Variants in RSU1 observed in about 807,000 individuals in gnomAD.
RSU1 encodes rsu-1.
Under a neutral mutation model 31.1 loss-of-function variants are expected in RSU1, and 26 were observed. The ratio of observed to expected loss-of-function variants is 0.84; its 90% CI spans 0.61 to 1.16. RSU1 has a LOEUF of 1.16. Among genes scored for constraint, RSU1 ranks in the 50% most tolerant of loss-of-function variants. The pLI, the probability that RSU1 is intolerant of heterozygous loss-of-function variation, is 0.00. For missense variants in RSU1, 320 were observed against 339.1 expected, an observed-to-expected ratio of 0.94 and a Z score of 0.44; for synonymous variants, 164 against 136.3, an observed-to-expected ratio of 1.20 and a Z score of -1.41.
At position 16,770,957 on chromosome 10, in the gene RSU1, T is replaced by TAA. The variant is rs10547207; in HGVS notation, c.161-6449_161-6448dup. On this transcript the variant is annotated intron_variant, in intron 3 of 8. Coordinates refer to ENST00000345264, the MANE Select transcript of RSU1 (RefSeq NM_012425.4). ...TCTAAAAACCTGACATATTGCTATT[T>TAA]AAAAAAAAAAAAAAAAAAAAAAAGG... Among the ~76,000 whole-genome samples the TAA allele has an allele frequency of 1.5e-3, 178 of 120,072 alleles. 4 individuals carry two copies. The highest frequency in any genetic ancestry group is 1.2e-3 in the Non-Finnish European group (70 of 57,138). 78.8% of individuals were successfully genotyped at this position (120,072 alleles called of 152,430 possible).
At chr10:16,626,421 C>T (rs372835918) in intron 8 of RSU1, among the ~76,000 whole-genome samples, 1 of 152,088 alleles carries the variant, frequency 6.6e-6, no homozygotes. Context: ...AACTCTTGGC[C>T]TCCCAAAGTG....
chr10:16,738,947 C>T (rs554044469), intron 7 of RSU1, among the ~76,000 whole-genome samples: 8 of 148,282 alleles, frequency 5.4e-5, no homozygotes, highest in Non-Finnish European at 9.0e-5. Flanking sequence ...CACTTATGAA[C>T]GAGAACATGT....
chr10:16,608,106 C>T lies in RSU1; in HGVS notation c.732-14610G>A, dbSNP rs368747307. Among the ~76,000 whole-genome samples, 7 of 152,346 alleles carry T rather than the reference C, an allele frequency of 4.6e-5. No individual in the cohort carries two copies. In the East Asian group the frequency reaches 1.2e-3, roughly 25 times the overall value. On this transcript the variant is annotated intron_variant, in intron 8 of 8. Coordinates refer to ENST00000345264, the MANE Select transcript of RSU1 (RefSeq NM_012425.4). ...TTGGCCTCCCAAAGTGCCGGGATTA[C>T]AGGCGTGAGCCACCACACCCGGCCA...
intron 2 of RSU1, among the ~76,000 whole-genome samples, chr10:16,803,597 G>C (rs142611859): frequency 6.6e-6 from 1 of 152,158 alleles, no homozygotes; most frequent in East Asian, 1.9e-4. Context: ...GTCAGTTATA[G>C]TAACAAGACA....
At chr10:16,667,223 C>G (rs906854622) in intron 8 of RSU1, among the ~76,000 whole-genome samples, 2 of 152,164 alleles carry the variant, frequency 1.3e-5, no homozygotes, top group Non-Finnish European at 2.9e-5. Flanking sequence ...TTCTAAGATT[C>G]ACTTTTCTAA....
rs757532485 is a variant in RSU1 at position 16,593,427 on chromosome 10, G to A, written c.801C>T (p.Ile267=). Residue 267 remains isoleucine (I), a synonymous_variant, in exon 9 of 9, where the codon ATC becomes ATT. Coordinates refer to ENST00000345264, the MANE Select transcript of RSU1 (RefSeq NM_012425.4). ...TCTTGGCTGCCAGGGGTTTCCGGCT[G>A]ATCTTTTTCGATTTGTCATTATTCT... ...PKKNNDKSKK[I]SRKPLAAKNR is the part of the protein sequence containing the mutation. 2.5e-6 allele frequency: 4 copies of A among 1,614,098 alleles called. No individual in the cohort carries two copies. Among genetic ancestry groups the A allele is most frequent in the Non-Finnish European group, 3.4e-6 (4 of 1,179,986 alleles).
intron 8 of RSU1, among the ~76,000 whole-genome samples, chr10:16,644,508 T>G (rs1422542309): frequency 6.6e-6 from 1 of 152,206 alleles, no homozygotes; most frequent in African/African-American, 2.4e-5. Flanking sequence ...TATAACAGAC[T>G]TTACATGTTA....
intron 7 of RSU1, among the ~76,000 whole-genome samples, chr10:16,727,360 C>T (rs912044576): frequency 2.6e-5 from 4 of 152,070 alleles, no homozygotes; most frequent in African/African-American, 4.8e-5. Flanking sequence ...GAGATAAATA[C>T]GTGTTTCTGG....
chr10:16,798,825 A>G (rs1838091883), intron 2 of RSU1, among the ~76,000 whole-genome samples: 1 of 152,080 alleles, frequency 6.6e-6, no homozygotes, highest in Non-Finnish European at 1.5e-5. Context: ...ACTTTCAAAC[A>G]ATGCTTTATG....
At chr10:16,772,068 TAA>T (rs1837433877) in intron 3 of RSU1, among the ~76,000 whole-genome samples, 1 of 152,202 alleles carries the variant, frequency 6.6e-6, no homozygotes, top group African/African-American at 2.4e-5. Flanking sequence ...TTCTATAGCC[TAA>T]GTCATTTTAG....
chr10:16,599,684 T>C (rs926021738), intron 8 of RSU1, among the ~76,000 whole-genome samples: 1 of 152,220 alleles, frequency 6.6e-6, no homozygotes, highest in African/African-American at 2.4e-5. Flanking sequence ...GGGCACACAG[T>C]AGGCATTTCA....
chr10:16,675,972 G>C (rs1311932311), intron 8 of RSU1, among the ~76,000 whole-genome samples: 1 of 152,164 alleles, frequency 6.6e-6, no homozygotes, highest in Non-Finnish European at 1.5e-5. Context: ...ACAAAGAAGG[G>C]ATCACGCAGA....
At chr10:16,720,848 T>C (rs1326032925) in intron 7 of RSU1, among the ~76,000 whole-genome samples, 2 of 152,146 alleles carry the variant, frequency 1.3e-5, no homozygotes, top group Non-Finnish European at 2.9e-5. Flanking sequence ...TAGCTGGGCA[T>C]GGTGGTGCAC....
chr10:16,595,115 C>T (rs997038881), intron 8 of RSU1, among the ~76,000 whole-genome samples: 1 of 151,502 alleles, frequency 6.6e-6, no homozygotes, highest in Non-Finnish European at 1.5e-5. Context: ...TGGGGTCTCA[C>T]TAGGTTGCCC....
intron 8 of RSU1, among the ~76,000 whole-genome samples, chr10:16,611,140 A>C (rs1833885337): frequency 6.6e-6 from 1 of 152,200 alleles, no homozygotes; most frequent in Admixed American, 6.5e-5. Flanking sequence ...CTCAAGCAGC[A>C]GTGACTACAG....
intron 4 of RSU1, among the ~76,000 whole-genome samples, chr10:16,757,457 C>A (rs1319361939): frequency 6.6e-6 from 1 of 152,156 alleles, no homozygotes; most frequent in Non-Finnish European, 1.5e-5. Context: ...CCCAGACAGA[C>A]TACACCCAGC....
At chr10:16,725,420 C>A (rs1836370063) in intron 7 of RSU1, among the ~76,000 whole-genome samples, 1 of 152,130 alleles carries the variant, frequency 6.6e-6, no homozygotes, top group African/African-American at 2.4e-5. Context: ...GGAACAGATA[C>A]TCTGAAGTGT....
intron 8 of RSU1, among the ~76,000 whole-genome samples, chr10:16,616,393 A>C (rs11254111): frequency 0.068 from 9,910 of 146,246 alleles, 926 homozygotes; most frequent in African/African-American, 0.22. Flanking sequence ...AAAAAAAAAA[A>C]AACCCCAGGA....
chr10:16,703,625 T>C (rs915627805), intron 7 of RSU1, among the ~76,000 whole-genome samples: 1 of 152,200 alleles, frequency 6.6e-6, no homozygotes, highest in Non-Finnish European at 1.5e-5. Context: ...AAAAATGTTT[T>C]CAAATAAAAT....
Sources: gnomAD v4.1 joint callset for allele counts (sites outside exome capture counted in the v4.1 genomes callset) on GRCh38, gnomAD v4.1.1 for gene constraint, MANE v1.5 for transcripts, NCBI Gene and HGNC (gene_info 2026-07-23, HGNC 2026-07-21) for gene names.